Variants in KIAA1328 observed in about 807,000 individuals in gnomAD.
KIAA1328 encodes protein hinderin.
KIAA1328 carries 52 observed loss-of-function variants against 68.1 expected under a neutral mutation model. The ratio of observed to expected loss-of-function variants is 0.76; its 90% CI spans 0.61 to 0.96. The LOEUF is 0.96. Ranked by LOEUF, KIAA1328 falls within the 40% of genes least tolerant of loss-of-function variation. The probability of loss-of-function intolerance (pLI) is 0.00; values close to 1 mark genes in which losing one functional copy is unlikely to be tolerated. For synonymous variants in KIAA1328, 232 were observed against 239.4 expected, an observed-to-expected ratio of 0.97 and a Z score of 0.28; for missense variants, 641 against 677.6, an observed-to-expected ratio of 0.95 and a Z score of 0.60.
At chr18:36,909,152 C>T (rs1470510626) in intron 5 of KIAA1328, among the ~76,000 whole-genome samples, 2 of 151,984 alleles carry the variant, frequency 1.3e-5, no homozygotes, top group Admixed American at 1.3e-4. Flanking sequence ...TATTATTATA[C>T]TTCAAGTTCT....
chr18:37,024,791 G>A (rs925704103), intron 6 of KIAA1328, among the ~76,000 whole-genome samples: 13 of 152,028 alleles, frequency 8.6e-5, no homozygotes, highest in South Asian at 2.1e-4. Flanking sequence ...TGGACATTTC[G>A]GTTGGTTCCA....
At chr18:36,865,677 G>A (rs2047725737) in intron 4 of KIAA1328, among the ~76,000 whole-genome samples, 1 of 152,002 alleles carries the variant, frequency 6.6e-6, no homozygotes, top group South Asian at 2.1e-4. Context: ...TCTGACTCCT[G>A]TTTCAGTCCA....
intron 6 of KIAA1328, among the ~76,000 whole-genome samples, chr18:36,978,561 C>T (rs1171283025): frequency 2.6e-5 from 4 of 152,194 alleles, no homozygotes; most frequent in Non-Finnish European, 4.4e-5. Context: ...AGACTTGGAA[C>T]TTTTAACACA....
chr18:37,102,254 A>G (rs932348257), intron 7 of KIAA1328, among the ~76,000 whole-genome samples: 4 of 152,172 alleles, frequency 2.6e-5, no homozygotes, highest in Non-Finnish European at 5.9e-5. Context: ...GTGGGAAAGA[A>G]CATACTGGGG....
intron 1 of KIAA1328, among the ~76,000 whole-genome samples, chr18:36,833,985 A>G (rs2046586517): frequency 6.6e-6 from 1 of 152,188 alleles, no homozygotes; most frequent in Non-Finnish European, 1.5e-5. Context: ...AAGGAAAGGA[A>G]CCTAATAGTA....
At chr18:37,011,077 T>C (rs1217502868) in intron 6 of KIAA1328, among the ~76,000 whole-genome samples, 1 of 152,150 alleles carries the variant, frequency 6.6e-6, no homozygotes, top group Non-Finnish European at 1.5e-5. Context: ...ACAGCCTAGC[T>C]CTCACTGCAG....
intron 6 of KIAA1328, among the ~76,000 whole-genome samples, chr18:37,045,929 C>G (rs1324285794): frequency 6.6e-6 from 1 of 152,146 alleles, no homozygotes; most frequent in African/African-American, 2.4e-5. Flanking sequence ...TTGCTCATAT[C>G]AGGTGGGTGC....
At chr18:36,901,778 G>GAACTGATATAGCATAA (rs2049047485) in intron 5 of KIAA1328, among the ~76,000 whole-genome samples, 1 of 151,976 alleles carries the variant, frequency 6.6e-6, no homozygotes, top group South Asian at 2.1e-4. Flanking sequence ...AAATATGTTA[G>GAACTGATATAGCATAA]AACTGATATA....
intron 7 of KIAA1328, among the ~76,000 whole-genome samples, chr18:37,130,976 G>T (rs2058508356): frequency 6.6e-6 from 1 of 152,036 alleles, no homozygotes. Context: ...TTAATAATAT[G>T]AATTATATAA....
intron 5 of KIAA1328, among the ~76,000 whole-genome samples, chr18:36,948,178 G>A (rs2050979121): frequency 2.0e-5 from 3 of 150,926 alleles, no homozygotes; most frequent in African/African-American, 7.3e-5. Flanking sequence ...CTCATGAAAT[G>A]TTTTCATTTA....
At chr18:36,850,464 A>T (rs1040438204) in intron 4 of KIAA1328, among the ~76,000 whole-genome samples, 2 of 152,096 alleles carry the variant, frequency 1.3e-5, no homozygotes, top group African/African-American at 4.8e-5. Context: ...CCTTCAGTGG[A>T]TGCCTGAAAC....
Position 37,223,604 on chromosome 18 carries a change from G to C in KIAA1328, c.*1377G>C. On this transcript the variant is annotated 3_prime_UTR_variant, in exon 10 of 10. Coordinates refer to ENST00000280020, the MANE Select transcript of KIAA1328 (RefSeq NM_020776.3). The stretch of plus-strand genomic sequence containing the variant: ...TTTACCAACCCCAACTAAACTGGGA[G>C]TAAGACTTAGTCAGTGTTGGTAGAC... 1.0e-6 allele frequency: 1 copy of C among 985,430 alleles called. No individual in the cohort carries two copies. The highest frequency in any genetic ancestry group is 1.1e-4 in the East Asian group (1 of 8,804). 61.0% of individuals were successfully genotyped at this position (985,430 alleles called of 1,614,324 possible).
At chr18:37,012,062 ATG>A (rs1218482842) in intron 6 of KIAA1328, among the ~76,000 whole-genome samples, 1 of 152,242 alleles carries the variant, frequency 6.6e-6, no homozygotes, top group Non-Finnish European at 1.5e-5. Flanking sequence ...ACAGGAAGGA[ATG>A]TAATACTTGA....
intron 6 of KIAA1328, among the ~76,000 whole-genome samples, chr18:36,980,872 G>A (rs1441481178): frequency 6.6e-6 from 1 of 152,152 alleles, no homozygotes; most frequent in Non-Finnish European, 1.5e-5. Flanking sequence ...CCCTTAAGAT[G>A]GGACTTGCTT....
chr18:37,188,060 A>G (rs1049989120), intron 9 of KIAA1328, among the ~76,000 whole-genome samples: 4 of 152,250 alleles, frequency 2.6e-5, no homozygotes, highest in Non-Finnish European at 5.9e-5. Flanking sequence ...TTGGTTTTGA[A>G]GCTCAAGAGC....
At chr18:36,848,223 AT>A in intron 4 of KIAA1328, among the ~76,000 whole-genome samples, 1 of 151,178 alleles carries the variant, frequency 6.6e-6, no homozygotes, top group Non-Finnish European at 1.5e-5. Flanking sequence ...AAGTATTTAA[AT>A]TTTCTTTAAT....
At chr18:37,157,166 A>G (rs893886463) in intron 7 of KIAA1328, among the ~76,000 whole-genome samples, 1 of 152,182 alleles carries the variant, frequency 6.6e-6, no homozygotes, top group Non-Finnish European at 1.5e-5. Flanking sequence ...AACAAGTTCT[A>G]GTCGGTATGT....
intron 5 of KIAA1328, among the ~76,000 whole-genome samples, chr18:36,913,271 T>A (rs1346814187): frequency 6.6e-6 from 1 of 151,562 alleles, no homozygotes; most frequent in African/African-American, 2.4e-5. Flanking sequence ...GTAATCCCAG[T>A]GCTTTGAGAA....
At chr18:37,095,412 T>A (rs1485824997) in intron 7 of KIAA1328, among the ~76,000 whole-genome samples, 2 of 151,916 alleles carry the variant, frequency 1.3e-5, no homozygotes, top group East Asian at 3.9e-4. Context: ...AGACTAGAAG[T>A]CAATAACAAG....
Sources: allele counts gnomAD v4.1 joint callset (sites outside exome capture counted in the v4.1 genomes callset), GRCh38; gene constraint gnomAD v4.1.1; transcripts MANE v1.5; gene names NCBI Gene and HGNC (gene_info 2026-07-23, HGNC 2026-07-21).